Variants in ITLN2 observed in about 807,000 individuals in gnomAD.
ITLN2 encodes the protein intelectin 2.
In ITLN2, 29 loss-of-function variants were observed where a neutral mutation model predicts 39.4. The ratio of observed to expected loss-of-function variants is 0.74; its 90% CI spans 0.55 to 1.00. The LOEUF is 1.00. ITLN2 is among the 50% of genes least tolerant of loss of function. The probability of loss-of-function intolerance (pLI) is 0.00; values close to 1 mark genes in which losing one functional copy is unlikely to be tolerated. For synonymous variants in ITLN2, 156 were observed against 153.4 expected (o/e 1.02, Z -0.12); for missense variants, 412 against 416.7 (o/e 0.99, Z 0.10).
chr1:160,949,462 C>T (rs1671688172), intron 6 of ITLN2: 1 of 153,940 alleles, frequency 6.5e-6, no homozygotes, highest in Non-Finnish European at 1.4e-5. Flanking sequence ...TGGACAATAC[C>T]TGGCTTTCCT....
At chr1:160,951,927 T>C (rs1255884260) in intron 3 of ITLN2, among the ~76,000 whole-genome samples, 1 of 152,140 alleles carries the variant, frequency 6.6e-6, no homozygotes, top group African/African-American at 2.4e-5. Flanking sequence ...TGTGTCATCA[T>C]CTCCTGGGTT....
chr1:160,954,454 A>G lies in ITLN2; in HGVS notation c.16-4T>C. 6.3e-7 allele frequency: 1 copy of G among 1,575,424 alleles called. No homozygotes were observed. ...AGCAGAGTCTGGTCATTGTCCTCTA[A>G]GGAAAAACAAGATGCACAAGGTCAC... On this transcript the variant is annotated splice_polypyrimidine_tract_variant and splice_region_variant and intron_variant, in intron 1 of 7. Coordinates refer to ENST00000368029, the MANE Select transcript of ITLN2 (RefSeq NM_080878.3).
At chr1:160,952,314 G>A (rs559208927) in intron 3 of ITLN2, among the ~76,000 whole-genome samples, 10 of 152,242 alleles carry the variant, frequency 6.6e-5, no homozygotes, top group South Asian at 4.1e-4. Flanking sequence ...TCTCTGGCTC[G>A]GGAGTTTCAG....
chr1:160,945,079 C>G lies in ITLN2; in HGVS notation c.*61G>C. On this transcript the variant is annotated 3_prime_UTR_variant, in exon 8 of 8. Transcript: ENST00000368029. ...CCTCCTTGTTAGAATTCCAGTTTTT[C>G]CGTCTCCAAATAGCCGGGGTTGGAA... 1 of 1,463,896 alleles carries G rather than the reference C, an allele frequency of 6.8e-7. No individual in the cohort carries two copies. The highest frequency in any genetic ancestry group is 9.1e-7 in the Non-Finnish European group (1 of 1,095,468). 90.7% of individuals were successfully genotyped at this position (1,463,896 alleles called of 1,614,324 possible).
chr1:160,947,710 T>G (rs1285053819), intron 7 of ITLN2, among the ~76,000 whole-genome samples: 1 of 152,238 alleles, frequency 6.6e-6, no homozygotes, highest in African/African-American at 2.4e-5. Context: ...TGCACAGCCC[T>G]AAATCCATTA....
Position 160,950,655 on chromosome 1 carries a change from G to C in ITLN2, c.498C>G (p.Asn166Lys). 6.2e-7 allele frequency: 1 copy of C among 1,614,170 alleles called. No homozygotes were observed. Among genetic ancestry groups the C allele is most frequent in the South Asian group, 1.1e-5 (1 of 91,084 alleles). Residue 166 changes from asparagine to lysine, a missense_variant, in exon 5 of 8, where the codon AAC becomes AAG. Asn to Lys is a moderately conservative substitution (Grantham distance 94, BLOSUM62 0). Coordinates refer to ENST00000368029, the MANE Select transcript of ITLN2 (RefSeq NM_080878.3). ...AKDLGIWHVP[N>K]KSPMQHWRNS... ...TTCTCCAATGCTGCATGGGGGACTT[G>C]TTGGGCACATGCCAGATGCCCAGGT...
In ITLN2 at chr1:160,945,046, T is replaced by C. The variant is rs1250051779; in HGVS notation, c.*94A>G. 3 of 1,102,292 alleles carry C rather than the reference T, an allele frequency of 2.7e-6. No individual in the cohort carries two copies. Among genetic ancestry groups the C allele is most frequent in the Non-Finnish European group, 3.9e-6 (3 of 778,680 alleles). The allele number at this position is 1,102,292 out of a possible 1,614,324, so 68.3% of individuals were successfully genotyped here. A position where few individuals can be genotyped will look rare whatever the true frequency, so the allele number is the denominator to read the frequency against. On this transcript the variant is annotated 3_prime_UTR_variant, in exon 8 of 8. Coordinates refer to ENST00000368029, the MANE Select transcript of ITLN2 (RefSeq NM_080878.3). The stretch of plus-strand genomic sequence containing the variant: ...AGAGTTGCAAATTGATGTGATTTAG[T>C]CTCCTCTCCTCCTTGTTAGAATTCC...
chr1:160,951,809 C>T (rs1422552150), intron 3 of ITLN2, among the ~76,000 whole-genome samples: 1 of 152,214 alleles, frequency 6.6e-6, no homozygotes, highest in East Asian at 1.9e-4. Flanking sequence ...AGCCTGTGGT[C>T]TTCCCCAAAC....
rs374206888 is a variant in ITLN2 at position 160,954,419 on chromosome 1, A to G, written c.47T>C (p.Phe16Ser). Reference sequence around the variant, plus strand: ...GCACCCACTGGTGGCCACAGAGAAGAATAACAGGAAGCAGAGTCTGGTCAT... The same window carrying G: ...GCACCCACTGGTGGCCACAGAGAAGGATAACAGGAAGCAGAGTCTGGTCAT... Reference protein sequence around the residue: ...RTMTRLCFLLFFSVATSGCSA... With the variant: ...RTMTRLCFLLSFSVATSGCSA... Residue 16 changes from phenylalanine (F) to serine (S), a missense_variant, in exon 2 of 8, where the codon TTC becomes TCC. Coordinates refer to ENST00000368029, the MANE Select transcript of ITLN2 (RefSeq NM_080878.3). The G allele has an allele frequency of 1.5e-5, 23 of 1,580,868 alleles. No individual in the cohort carries two copies. The highest frequency in any genetic ancestry group is 2.0e-5 in the Non-Finnish European group (23 of 1,161,934).
chr1:160,950,446 A>C, intron 5 of ITLN2, 107 bp downstream of exon 5: 1 of 1,343,234 alleles, frequency 7.4e-7, no homozygotes, highest in Admixed American at 2.2e-5. Context: ...GAAACAGCCA[A>C]CCACTCAGTA....
At chr1:160,946,478 G>A (rs1570968327) in intron 7 of ITLN2, among the ~76,000 whole-genome samples, 1 of 152,052 alleles carries the variant, frequency 6.6e-6, no homozygotes, top group Non-Finnish European at 1.5e-5. Flanking sequence ...TTGGGAGGCC[G>A]AGACGGGCGG....
intron 3 of ITLN2, 101 bp downstream of exon 3, chr1:160,952,519 C>G: frequency 5.1e-6 from 4 of 784,604 alleles, no homozygotes. Flanking sequence ...GGGGGCAGAA[C>G]AGGCTCCATA....
Position 160,951,293 on chromosome 1 carries a change from G to A in ITLN2, c.194-3C>T, listed in dbSNP as rs1483425729. 1 of 1,571,384 alleles carries A rather than the reference G, an allele frequency of 6.4e-7. No individual in the cohort carries two copies. The highest frequency in any genetic ancestry group is 8.6e-7 in the Non-Finnish European group (1 of 1,156,362). On this transcript the variant is annotated splice_region_variant and splice_polypyrimidine_tract_variant and intron_variant, in intron 3 of 7. Coordinates refer to ENST00000368029, the MANE Select transcript of ITLN2 (RefSeq NM_080878.3). ...GGTGCGGAGAAAATACAGGCCATCT[G>A]TAGAGAGAACCAGCCCAGAGCCTCC...
At position 160,950,020 on chromosome 1, in the gene ITLN2, A is replaced by T. The variant is rs202168244; in HGVS notation, c.721+26T>A. On this transcript the variant is annotated intron_variant, in intron 6 of 7. Coordinates refer to ENST00000368029, the MANE Select transcript of ITLN2 (RefSeq NM_080878.3). Reference sequence around the variant, plus strand: ...CCAAGAGTACAAGAAAATATTTATGACTGGACTTAGGGAGCAAACACTCAC... The same window carrying T: ...CCAAGAGTACAAGAAAATATTTATGTCTGGACTTAGGGAGCAAACACTCAC... 65 of 1,602,548 alleles carry T rather than the reference A, an allele frequency of 4.1e-5. No individual in the cohort carries two copies. The Admixed American group carries it at 4.6e-4, about 11-fold the overall frequency.
At chr1:160,953,344 G>A (rs1281663195) in intron 2 of ITLN2, among the ~76,000 whole-genome samples, 1 of 152,222 alleles carries the variant, frequency 6.6e-6, no homozygotes, top group African/African-American at 2.4e-5. Context: ...GCCAGTGGAT[G>A]AAGGGCCATG....
chr1:160,945,151 A>T lies in ITLN2; in HGVS notation c.967T>A (p.Phe323Ile), dbSNP rs1418147537. Residue 323 changes from phenylalanine to isoleucine, a missense_variant, in exon 8 of 8, where the codon TTC (phenylalanine) becomes ATC (isoleucine). Transcript: ENST00000368029. ...CGCAGAGCTCTGTCTCATCTATAGA[A>T]CAAGAGTACAGCCGCCTCCGTTATC... is the stretch of plus-strand genomic sequence containing the variant. ...REITEAAVLL[F>I]YR 7 of 1,598,168 alleles carry T rather than the reference A, an allele frequency of 4.4e-6. No homozygotes were observed. The highest frequency in any genetic ancestry group is 6.0e-6 in the Non-Finnish European group (7 of 1,175,894).
chr1:160,945,185 G>A lies in ITLN2; in HGVS notation c.933C>T (p.Cys311=). ...DGYGTHVKSS[C]SREITEAAVL... ...CAGCCGCCTCCGTTATCTCCCGACT[G>A]CAGCTGCTCTTAACGTGAGTTCCAT... is the stretch of plus-strand genomic sequence containing the variant. The change falls in exon 8 of 8, where the codon TGC becomes TGT. Residue 311 remains cysteine (C), a synonymous_variant. Coordinates refer to ENST00000368029, the MANE Select transcript of ITLN2 (RefSeq NM_080878.3). 1 of 1,607,356 alleles carries A rather than the reference G, an allele frequency of 6.2e-7. No homozygotes were observed. The highest frequency in any genetic ancestry group is 8.5e-7 in the Non-Finnish European group (1 of 1,178,182).
At chr1:160,947,908 T>A in intron 7 of ITLN2, 21 bp downstream of exon 7, 1 of 1,546,996 alleles carries the variant, frequency 6.5e-7, no homozygotes, top group Non-Finnish European at 8.9e-7. Context: ...ACGTGGGCCA[T>A]TGATCTCCCC....
chr1:160,953,141 C>G (rs1422685966), intron 2 of ITLN2, among the ~76,000 whole-genome samples: 1 of 152,066 alleles, frequency 6.6e-6, no homozygotes, highest in Non-Finnish European at 1.5e-5. Context: ...AGAATGGGAG[C>G]TGGCTACAGG....
Sources: allele counts gnomAD v4.1 joint callset (sites outside exome capture counted in the v4.1 genomes callset), GRCh38; gene constraint gnomAD v4.1.1; transcripts MANE v1.5; gene names NCBI Gene and HGNC (gene_info 2026-07-23, HGNC 2026-07-21).